GOLGA1: variants seen among roughly 807,000 people sequenced by gnomAD.
GOLGA1 encodes the protein golgin A1, also known as golgin subfamily A member 1.
GOLGA1 carries 63 observed loss-of-function variants against 119.7 expected under a neutral mutation model. That is an observed-to-expected ratio of 0.53 (90% confidence interval 0.43 to 0.65). The LOEUF is 0.65. GOLGA1 is among the 30% of genes least tolerant of loss of function. GOLGA1 has a pLI of 0.00. For missense variants in GOLGA1, 798 were observed against 912.8 expected, an observed-to-expected ratio of 0.87 and a Z score of 1.62; for synonymous variants, 318 against 333.4, an observed-to-expected ratio of 0.95 and a Z score of 0.50.
chr9:124,914,991 T>C (rs951352703), intron 10 of GOLGA1, among the ~76,000 whole-genome samples: 1 of 152,220 alleles, frequency 6.6e-6, no homozygotes, highest in African/African-American at 2.4e-5. Flanking sequence ...GCTGATTTAC[T>C]TCAGGCCCTC....
intron 9 of GOLGA1, 75 bp from the exon 10 acceptor site, chr9:124,921,315 C>T: frequency 1.1e-6 from 1 of 871,418 alleles, no homozygotes; most frequent in Admixed American, 1.8e-5. Context: ...AGGAAAAATA[C>T]AAATGGTTTC....
At chr9:124,935,136 T>C (rs1303610661) in intron 3 of GOLGA1, among the ~76,000 whole-genome samples, 2 of 152,162 alleles carry the variant, frequency 1.3e-5, no homozygotes, top group African/African-American at 2.4e-5. Context: ...AATCAAATGA[T>C]AGTATAGGTT....
intron 22 of GOLGA1, among the ~76,000 whole-genome samples, 167 bp from the exon 23 acceptor site, chr9:124,880,777 C>T (rs145022364): frequency 3.9e-5 from 6 of 152,250 alleles, no homozygotes; most frequent in Admixed American, 3.3e-4. Context: ...TCTGCAGGCC[C>T]GTGCTCAGTA....
chr9:124,921,631 G>T, intron 9 of GOLGA1, 92 bp downstream of exon 9: 2 of 981,048 alleles, frequency 2.0e-6, no homozygotes, highest in Non-Finnish European at 3.1e-6. Flanking sequence ...GAATCAGAAA[G>T]TGGTGTAATG....
rs147847173 is a variant in GOLGA1 at position 124,924,565 on chromosome 9, G to A, written c.433-1342C>T. On this transcript the variant is annotated intron_variant, in intron 7 of 22. Coordinates refer to ENST00000373555, the MANE Select transcript of GOLGA1 (RefSeq NM_002077.4). ...GAGAATCACCTGAGCCTGAGAAGTC[G>A]AGGCTGCAGTGAGCTATGACTGTGC... 7.9e-3 allele frequency among the ~76,000 whole-genome samples: 1,184 copies of A among 149,830 alleles called. 11 individuals carry two copies. The highest frequency in any genetic ancestry group is 0.013 in the Non-Finnish European group (898 of 67,748).
chr9:124,894,007 T>C (rs1829910713), intron 15 of GOLGA1, among the ~76,000 whole-genome samples: 1 of 152,202 alleles, frequency 6.6e-6, no homozygotes, highest in Admixed American at 6.5e-5. Context: ...GTCAACCATA[T>C]TCCCTACGAC....
chr9:124,941,882 A>G (rs1831037738), upstream of GOLGA1, among the ~76,000 whole-genome samples: 1 of 152,166 alleles, frequency 6.6e-6, no homozygotes, highest in Admixed American at 6.5e-5. Context: ...GGGCTTCCAG[A>G]CCAGCCTGGG....
At chr9:124,882,442 A>C in intron 20 of GOLGA1, 68 bp downstream of exon 20, 5 of 1,181,014 alleles carry the variant, frequency 4.2e-6, no homozygotes, top group Non-Finnish European at 5.0e-6. Flanking sequence ...GAGGGACCTC[A>C]GGAGGACCGG....
At chr9:124,921,040 T>C in intron 10 of GOLGA1, 89 bp downstream of exon 10, 1 of 804,286 alleles carries the variant, frequency 1.2e-6, no homozygotes, top group Non-Finnish European at 2.2e-6. Context: ...GAAATGTATG[T>C]TCAGTAGCTA....
rs915269413 is a variant in GOLGA1 at position 124,888,867 on chromosome 9, T to C, written c.1761+276A>G. 6.6e-6 allele frequency among the ~76,000 whole-genome samples: 1 copy of C among 152,060 alleles called. No homozygotes were observed. Among genetic ancestry groups the C allele is most frequent in the Non-Finnish European group, 1.5e-5 (1 of 67,998 alleles). On this transcript the variant is annotated intron_variant, in intron 18 of 22. Transcript: ENST00000373555. This position sits in a 1 kb window ranked among gnomAD's most constrained non-coding sequence, Gnocchi z 4.4. The stretch of plus-strand genomic sequence containing the variant: ...GGCACTCGCCACCACGCCTAGCTAA[T>C]TTTTTGTATTTTTAGTAGAGACTGG...
intron 15 of GOLGA1, among the ~76,000 whole-genome samples, chr9:124,892,738 G>T (rs1015435597): frequency 6.6e-6 from 1 of 152,082 alleles, no homozygotes; most frequent in Non-Finnish European, 1.5e-5. Context: ...TTCGAGACCA[G>T]CCTGACCAAC....
chr9:124,915,916 A>G (rs1830432942), intron 10 of GOLGA1, among the ~76,000 whole-genome samples: 1 of 152,108 alleles, frequency 6.6e-6, no homozygotes, highest in African/African-American at 2.4e-5. Flanking sequence ...AGCCTGACCA[A>G]TATGGTGAAA....
At chr9:124,904,093 TA>T (rs11360307) in intron 12 of GOLGA1, among the ~76,000 whole-genome samples, 27,375 of 142,388 alleles carry the variant, frequency 0.19, 2,874 homozygotes, top group Non-Finnish European at 0.24. Context: ...AAAATTCTGT[TA>T]AAAAAAAAAA....
chr9:124,919,087 G>A (rs1830511261), intron 10 of GOLGA1, among the ~76,000 whole-genome samples: 2 of 151,564 alleles, frequency 1.3e-5, no homozygotes, highest in African/African-American at 4.8e-5. Flanking sequence ...CATCTCTACA[G>A]ATAATAATAA....
intron 3 of GOLGA1, 61 bp from the exon 4 acceptor site, chr9:124,931,467 C>A (rs531113567): frequency 1.2e-5 from 10 of 803,226 alleles, no homozygotes; most frequent in Non-Finnish European, 1.8e-5. Context: ...AATACTGAGC[C>A]AGAAAGTGAC....
rs1260568000 is a variant in GOLGA1 at position 124,880,348 on chromosome 9, G to C, written c.*182C>G. ...TTTGGTGACCAGAATGACAGGATCA[G>C]CTACCCCCTGAGGTTCAGGTCAGCC... On this transcript the variant is annotated 3_prime_UTR_variant, in exon 23 of 23. Coordinates refer to ENST00000373555, the MANE Select transcript of GOLGA1 (RefSeq NM_002077.4). 6 of 493,194 alleles carry C rather than the reference G, an allele frequency of 1.2e-5. No homozygotes were observed. Among genetic ancestry groups the C allele is most frequent in the Non-Finnish European group, 2.3e-5 (6 of 263,734 alleles). The allele number at this position is 493,194 out of a possible 1,614,324, so 30.6% of individuals were successfully genotyped here.
In GOLGA1 at chr9:124,907,072, G is replaced by A. The variant is rs565109062; in HGVS notation, c.1065+1305C>T. ...TTAAAGTCAACCTTTGAAAAAAAAA[G>A]AGAATTTGTCTTATTGGGTGTTGAG... On this transcript the variant is annotated intron_variant, in intron 12 of 22. Coordinates refer to ENST00000373555, the MANE Select transcript of GOLGA1 (RefSeq NM_002077.4). Among the ~76,000 whole-genome samples, 8 of 151,696 alleles carry A rather than the reference G, an allele frequency of 5.3e-5. 1 individual carries two copies. The South Asian group carries it at 1.5e-3, about 28-fold the overall frequency.
intron 19 of GOLGA1, among the ~76,000 whole-genome samples, chr9:124,883,352 C>A (rs1315528486): frequency 6.6e-6 from 1 of 152,062 alleles, no homozygotes; most frequent in Non-Finnish European, 1.5e-5. Context: ...ATGGTGCAAT[C>A]TCGGCTCACT....
At chr9:124,923,047 T>C (rs1830601601) in intron 8 of GOLGA1, 48 bp downstream of exon 8, 2 of 1,340,180 alleles carry the variant, frequency 1.5e-6, no homozygotes, top group South Asian at 1.3e-5. Flanking sequence ...AAAATCAGAG[T>C]GAATAATCAT....
Sources: gnomAD v4.1 joint callset for allele counts (sites outside exome capture counted in the v4.1 genomes callset) on GRCh38, gnomAD v4.1.1 for gene constraint, Gnocchi (gnomAD v3.1) non-coding constraint, MANE v1.5 for transcripts, NCBI Gene and HGNC (gene_info 2026-07-23, HGNC 2026-07-21) for gene names.